The following CFAP54 variants were observed in gnomAD, a reference collection of about 807,000 sequenced individuals.
CFAP54 encodes the protein cilia- and flagella-associated protein 54.
CFAP54 carries 290 observed loss-of-function variants against 370.4 expected under a neutral mutation model. The observed-to-expected ratio is 0.78, with a 90% CI of 0.71 to 0.86. CFAP54 has a LOEUF of 0.86. Among genes scored for constraint, CFAP54 ranks in the 40% least tolerant of loss-of-function variants. The pLI is 0.00. For synonymous variants in CFAP54, 1,206 were observed against 1,236.5 expected (o/e 0.98, Z 0.52); for missense variants, 3,399 against 3,528.7 (o/e 0.96, Z 0.93).
intron 25 of CFAP54, among the ~76,000 whole-genome samples, chr12:96,595,760 G>T (rs1454486007): frequency 6.6e-6 from 1 of 152,110 alleles, no homozygotes; most frequent in Non-Finnish European, 1.5e-5. Context: ...CAAGTGTGGA[G>T]TATGGTTCAT....
At position 96,834,693 on chromosome 12, in the gene CFAP54, A is replaced by G. The variant is rs548889327; in HGVS notation, c.9171+5605A>G. Among the ~76,000 whole-genome samples, 223 of 152,352 alleles carry G rather than the reference A, an allele frequency of 1.5e-3. 1 individual carries two copies. Among genetic ancestry groups the G allele is most frequent in the African/African-American group, 5.0e-3 (209 of 41,582 alleles). ...AACAGCCTTGGCTTGGGGATCTTCC[A>G]GGCCTGGGGTCCCAGAAGGGCCACA... is the stretch of plus-strand genomic sequence containing the variant. On this transcript the variant is annotated intron_variant, in intron 66 of 67. Coordinates refer to ENST00000524981, the MANE Select transcript of CFAP54 (RefSeq NM_001306084.2).
At chr12:96,792,250 A>G (rs1324887471) in intron 62 of CFAP54, 79 bp from the exon 63 acceptor site, 2 of 1,244,092 alleles carry the variant, frequency 1.6e-6, no homozygotes, top group South Asian at 3.5e-5. Context: ...GAATTTTTCA[A>G]TATAGCCAAA....
intron 62 of CFAP54, among the ~76,000 whole-genome samples, chr12:96,788,368 T>C (rs771595961): frequency 3.9e-5 from 6 of 152,356 alleles, no homozygotes; most frequent in Non-Finnish European, 5.9e-5. Context: ...CATAGCATAT[T>C]GTAAGCTTCC....
At chr12:96,561,773 CTTTTTT>C (rs376442763) in intron 17 of CFAP54, among the ~76,000 whole-genome samples, 2 of 94,850 alleles carry the variant, frequency 2.1e-5, no homozygotes, top group African/African-American at 8.5e-5. Flanking sequence ...ATCACAAGTT[CTTTTTT>C]TTTTTTTTTT....
chr12:96,489,676 G>A lies in CFAP54; in HGVS notation c.67G>A (p.Glu23Lys). Residue 23 changes from glutamate (E) to lysine (K), a missense_variant, in exon 1 of 68, where the codon GAA becomes AAA. Physicochemically the swap from Glu to Lys is moderately conservative, Grantham distance 56. Coordinates refer to ENST00000524981, the MANE Select transcript of CFAP54 (RefSeq NM_001306084.2). ...DDSTTSGSLP[E>K]LPPTSTATSR... ...CTCTACCACCTCGGGGTCTCTGCCAGAACTGCCGCCGACCTCCACCGCGAC... is the reference window on the plus strand; with the variant it reads ...CTCTACCACCTCGGGGTCTCTGCCAAAACTGCCGCCGACCTCCACCGCGAC... The A allele has an allele frequency of 6.5e-7, 1 of 1,535,886 alleles. No homozygotes were observed. The highest frequency in any genetic ancestry group is 8.7e-7 in the Non-Finnish European group (1 of 1,146,698).
chr12:96,762,714 A>G (rs1156255066), intron 58 of CFAP54, among the ~76,000 whole-genome samples: 3 of 152,184 alleles, frequency 2.0e-5, no homozygotes, highest in Non-Finnish European at 4.4e-5. Context: ...ATGCTTATGT[A>G]GTCAGTAAGT....
intron 26 of CFAP54, among the ~76,000 whole-genome samples, chr12:96,620,450 TG>T (rs1458345699): frequency 6.6e-6 from 1 of 152,200 alleles, no homozygotes; most frequent in Non-Finnish European, 1.5e-5. Context: ...ATGTAAGACA[TG>T]ACTTTGCCCC....
chr12:96,835,128 A>G (rs935686445), intron 66 of CFAP54, among the ~76,000 whole-genome samples: 1 of 152,076 alleles, frequency 6.6e-6, no homozygotes, highest in African/African-American at 2.4e-5. Context: ...AGCAGAGAAT[A>G]GGCCCTGGAG....
In CFAP54 at chr12:96,630,204, A is replaced by C; in HGVS notation, c.4215A>C (p.Arg1405Ser). 1 of 1,443,914 alleles carries C rather than the reference A, an allele frequency of 6.9e-7. No homozygotes were observed. The highest frequency in any genetic ancestry group is 2.3e-5 in the Admixed American group (1 of 43,706). 89.4% of individuals were successfully genotyped at this position (1,443,914 alleles called of 1,614,324 possible). A position where few individuals can be genotyped will look rare whatever the true frequency, so the allele number is the denominator to read the frequency against. ...KFKAAVMEIG[R>S]SAEMQQRIRS... ...AAGCTGCAGTAATGGAAATTGGAAG[A>C]GTAAGTTTCCTATGAGTTTTGAATT... The change falls in exon 31 of 68, where the codon AGA becomes AGC. Residue 1405 changes from arginine to serine, a missense_variant and splice_region_variant. Physicochemically the swap from Arg to Ser is moderately radical, Grantham distance 110. This residue lies in a region of CFAP54 where 2,796 missense variants were observed against 2,869.7 expected (regional missense o/e 0.97). Coordinates refer to ENST00000524981, the MANE Select transcript of CFAP54 (RefSeq NM_001306084.2).
chr12:96,814,267 A>G (rs1447101666), intron 64 of CFAP54, among the ~76,000 whole-genome samples: 2 of 152,248 alleles, frequency 1.3e-5, no homozygotes, highest in African/African-American at 2.4e-5. Flanking sequence ...TTAGAATACT[A>G]TCTTTCCTTC....
At chr12:96,572,678 C>T (rs1266599814) in intron 19 of CFAP54, among the ~76,000 whole-genome samples, 1 of 152,144 alleles carries the variant, frequency 6.6e-6, no homozygotes, top group Non-Finnish European at 1.5e-5. Flanking sequence ...GAGATTTACT[C>T]ACCTGAATCT....
chr12:96,541,741 G>C (rs757478101), intron 14 of CFAP54, among the ~76,000 whole-genome samples: 5 of 152,112 alleles, frequency 3.3e-5, no homozygotes, highest in Non-Finnish European at 5.9e-5. Context: ...GTGTTGAATG[G>C]ATCAGTGTCA....
intron 36 of CFAP54, among the ~76,000 whole-genome samples, chr12:96,653,369 T>C (rs1480501974): frequency 1.3e-5 from 2 of 152,220 alleles, no homozygotes; most frequent in Non-Finnish European, 2.9e-5. Flanking sequence ...ATGGGTCATA[T>C]GCAGAGTCAA....
chr12:96,727,585 G>A (rs1250401638), intron 50 of CFAP54, among the ~76,000 whole-genome samples: 1 of 150,672 alleles, frequency 6.6e-6, no homozygotes, highest in East Asian at 2.0e-4. Context: ...CACATGAGAT[G>A]GGTTTCCTGA....
intron 66 of CFAP54, among the ~76,000 whole-genome samples, chr12:96,833,507 C>CGTGTGTGTGTGT (rs34316003): frequency 6.4e-4 from 92 of 144,158 alleles, no homozygotes; most frequent in African/African-American, 2.2e-3. Flanking sequence ...CACACGCGTA[C>CGTGTGTGTGTGT]GTGTGTGTGT....
At chr12:96,618,840 G>A (rs1426141416) in intron 26 of CFAP54, among the ~76,000 whole-genome samples, 1 of 152,038 alleles carries the variant, frequency 6.6e-6, no homozygotes, top group East Asian at 1.9e-4. Flanking sequence ...CTCCCATTTG[G>A]GGAATCATTG....
intron 50 of CFAP54, among the ~76,000 whole-genome samples, chr12:96,736,497 G>C (rs907452491): frequency 1.3e-5 from 2 of 152,184 alleles, no homozygotes; most frequent in South Asian, 4.1e-4. Context: ...CTAAGAAAAG[G>C]GGGTAGGCAG....
chr12:96,783,606 G>A (rs377282778), intron 60 of CFAP54, among the ~76,000 whole-genome samples: 20 of 152,190 alleles, frequency 1.3e-4, no homozygotes, highest in African/African-American at 4.6e-4. Context: ...AAAGTAAGAG[G>A]TCGGGCGCAG....
chr12:96,569,836 C>A lies in CFAP54; in HGVS notation c.2619+5071C>A, dbSNP rs900478939. Among the ~76,000 whole-genome samples, 9 of 152,108 alleles carry A rather than the reference C, an allele frequency of 5.9e-5. No individual in the cohort carries two copies. The South Asian group carries it at 1.4e-3, about 25-fold the overall frequency. Reference sequence around the variant, plus strand: ...ACTTCCTGAATTTATTTCTTGATATCCCCTAAATACCAGTCTATTAACTAT... The same window carrying A: ...ACTTCCTGAATTTATTTCTTGATATACCCTAAATACCAGTCTATTAACTAT... On this transcript the variant is annotated intron_variant, in intron 19 of 67. Coordinates refer to ENST00000524981, the MANE Select transcript of CFAP54 (RefSeq NM_001306084.2).
Sources: allele counts gnomAD v4.1 joint callset (sites outside exome capture counted in the v4.1 genomes callset), GRCh38; gene constraint gnomAD v4.1.1; regional missense constraint gnomAD v4.1.1; transcripts MANE v1.5; gene names NCBI Gene and HGNC (gene_info 2026-07-23, HGNC 2026-07-21).